SIDT1: variants seen among roughly 807,000 people sequenced by gnomAD.
The protein encoded by SIDT1 is SID1 transmembrane family, member 1.
In SIDT1, 101 loss-of-function variants were observed where a neutral mutation model predicts 107.5. The ratio of observed to expected loss-of-function variants is 0.94; its 90% confidence interval spans 0.80 to 1.11. The LOEUF (loss-of-function observed/expected upper bound fraction) is 1.11, where lower values mean the gene tolerates loss of function less well. SIDT1 is among the 50% of genes least tolerant of loss of function. The probability of loss-of-function intolerance (pLI) is 0.00; values close to 1 mark genes in which losing one functional copy is unlikely to be tolerated. For synonymous variants in SIDT1, 395 were observed against 398.2 expected, an observed-to-expected ratio of 0.99 and a Z score of 0.10; for missense variants, 1,076 against 1,058.2, an observed-to-expected ratio of 1.02 and a Z score of -0.23.
intron 20 of SIDT1, among the ~76,000 whole-genome samples, chr3:113,618,635 T>C (rs1016212155): frequency 1.3e-5 from 2 of 152,234 alleles, no homozygotes; most frequent in East Asian, 3.8e-4. Context: ...ATTAATTTTT[T>C]TAATGAAGTT....
At chr3:113,599,388 G>A (rs1944797611) in intron 10 of SIDT1, among the ~76,000 whole-genome samples, 1 of 152,216 alleles carries the variant, frequency 6.6e-6, no homozygotes, top group Non-Finnish European at 1.5e-5. Flanking sequence ...CAGTGGAGAT[G>A]CAAATGAGCC....
rs963934762 is a variant in SIDT1 at position 113,611,127 on chromosome 3, G to T, written c.1840G>T (p.Val614Phe). 2 of 1,613,724 alleles carry T rather than the reference G, an allele frequency of 1.2e-6. No individual in the cohort carries two copies. Among genetic ancestry groups the T allele is most frequent in the African/African-American group, 2.7e-5 (2 of 74,828 alleles). ...AYASFAVVIMVTVLGVVFGKN... is the reference protein window; with the variant it reads ...AYASFAVVIMFTVLGVVFGKN... ...TGCCTCCTTTGCTGTGGTCATCATGGTCACCGTCCTTGGAGTGGTGCGTCC... is the reference window on the plus strand; with the variant it reads ...TGCCTCCTTTGCTGTGGTCATCATGTTCACCGTCCTTGGAGTGGTGCGTCC... Residue 614 changes from valine to phenylalanine, a missense_variant, in exon 18 of 25, where the codon GTC (valine) becomes TTC (phenylalanine). By Grantham distance (50) the Val-to-Phe change is conservative. Coordinates refer to ENST00000264852, the MANE Select transcript of SIDT1 (RefSeq NM_017699.3).
At position 113,551,613 on chromosome 3, in the gene SIDT1, A is replaced by G. The variant is rs1362375326; in HGVS notation, c.223-14807A>G. Among the ~76,000 whole-genome samples, 4 of 152,206 alleles carry G rather than the reference A, an allele frequency of 2.6e-5. No homozygotes were observed. The East Asian group carries it at 5.8e-4, about 22-fold the overall frequency. On this transcript the variant is annotated intron_variant, in intron 1 of 24. Coordinates refer to ENST00000264852, the MANE Select transcript of SIDT1 (RefSeq NM_017699.3). Reference sequence around the variant, plus strand: ...TAAGACTATGTCTGACTCCCTTACAATTACTGAAAACTGAAACAAGATTTT... The same window carrying G: ...TAAGACTATGTCTGACTCCCTTACAGTTACTGAAAACTGAAACAAGATTTT...
At chr3:113,550,814 T>C (rs530170694) in intron 1 of SIDT1, among the ~76,000 whole-genome samples, 1 of 152,328 alleles carries the variant, frequency 6.6e-6, no homozygotes, top group Admixed American at 6.5e-5. Flanking sequence ...ATAGGTGTCA[T>C]GGGGCTTTGT....
At position 113,604,009 on chromosome 3, in the gene SIDT1, G is replaced by C. The variant is rs1253058056; in HGVS notation, c.1313G>C (p.Ser438Thr). The C allele has an allele frequency of 6.2e-7, 1 of 1,605,252 alleles. No individual in the cohort carries two copies. Among genetic ancestry groups the C allele is most frequent in the Admixed American group, 1.7e-5 (1 of 59,420 alleles). Reference sequence around the variant, plus strand: ...TCCAGGAAGGACCGGAGAATTGTCAGCAAAAAATATAAAATTTATTTTTGG... The same window carrying C: ...TCCAGGAAGGACCGGAGAATTGTCACCAAAAAATATAAAATTTATTTTTGG... ...DLSRKDRRIV[S>T]KKYKIYFWNI... The change falls in exon 13 of 25, where the codon AGC (serine) becomes ACC (threonine). Residue 438 changes from serine to threonine, a missense_variant. By Grantham distance (58) the Ser-to-Thr change is moderately conservative. Coordinates refer to ENST00000264852, the MANE Select transcript of SIDT1 (RefSeq NM_017699.3).
rs542441236 is a variant in SIDT1, at chr3:113,564,052, G to A, written c.223-2368G>A. On this transcript the variant is annotated intron_variant, in intron 1 of 24. Coordinates refer to ENST00000264852, the MANE Select transcript of SIDT1 (RefSeq NM_017699.3). Reference sequence around the variant, plus strand: ...CAACCTCTGCCTCCTGGGTTCAAGCGATTCTCCTGCCTCAGCCTCCCGAGT... The same window carrying A: ...CAACCTCTGCCTCCTGGGTTCAAGCAATTCTCCTGCCTCAGCCTCCCGAGT... Among the ~76,000 whole-genome samples, 7 of 152,166 alleles carry A rather than the reference G, an allele frequency of 4.6e-5. No individual in the cohort carries two copies. The South Asian group carries it at 1.5e-3, about 32-fold the overall frequency.
At chr3:113,555,708 C>A (rs905835631) in intron 1 of SIDT1, among the ~76,000 whole-genome samples, 3 of 151,972 alleles carry the variant, frequency 2.0e-5, no homozygotes, top group Non-Finnish European at 4.4e-5. Context: ...TACAAAATGC[C>A]GAGAATTTAA....
chr3:113,549,402 A>G (rs1386932641), intron 1 of SIDT1, among the ~76,000 whole-genome samples: 2 of 152,192 alleles, frequency 1.3e-5, no homozygotes, highest in Non-Finnish European at 1.5e-5. Flanking sequence ...CTGTTGTTCC[A>G]CAACCTCATC....
chr3:113,632,763 T>C (rs1947102318), downstream of SIDT1: 1 of 152,226 alleles, frequency 6.6e-6, no homozygotes, highest in African/African-American at 2.4e-5. Context: ...GGCTGGAGGA[T>C]CGCTGGAGTC....
At chr3:113,609,058 C>CTTTTTT (rs11453487) in intron 17 of SIDT1, among the ~76,000 whole-genome samples, 68 of 86,678 alleles carry the variant, frequency 7.8e-4, no homozygotes, top group East Asian at 1.5e-3. Context: ...TGAGCCCATT[C>CTTTTTT]TTTTTTTTTT....
At chr3:113,627,141 C>T (rs1946914007) in intron 24 of SIDT1, among the ~76,000 whole-genome samples, 1 of 152,136 alleles carries the variant, frequency 6.6e-6, no homozygotes, top group Non-Finnish European at 1.5e-5. Context: ...TCTTATATAG[C>T]AATACTCTAT....
intron 17 of SIDT1, among the ~76,000 whole-genome samples, chr3:113,609,609 G>A (rs901634043): frequency 6.6e-6 from 1 of 152,212 alleles, no homozygotes; most frequent in Non-Finnish European, 1.5e-5. Flanking sequence ...AGCTGATGCT[G>A]TCTAGCAAGT....
chr3:113,553,608 A>G (rs1940514226), intron 1 of SIDT1, among the ~76,000 whole-genome samples: 1 of 152,104 alleles, frequency 6.6e-6, no homozygotes, highest in South Asian at 2.1e-4. Context: ...GAGACAGGAA[A>G]GATAAAGAGG....
intron 23 of SIDT1, among the ~76,000 whole-genome samples, chr3:113,624,670 G>GT (rs1946720578): frequency 6.6e-6 from 1 of 151,920 alleles, no homozygotes; most frequent in Non-Finnish European, 1.5e-5. Context: ...ATATTCTTTG[G>GT]TTTTTCCCCT....
chr3:113,611,321 C>T (rs1267834871), intron 18 of SIDT1, among the ~76,000 whole-genome samples, 177 bp downstream of exon 18: 2 of 152,168 alleles, frequency 1.3e-5, no homozygotes, highest in African/African-American at 2.4e-5. Context: ...CCACTCATGG[C>T]ACACTTTTAC....
At chr3:113,589,486 T>C (rs1310579359) in intron 9 of SIDT1, among the ~76,000 whole-genome samples, 1 of 152,034 alleles carries the variant, frequency 6.6e-6, no homozygotes, top group Non-Finnish European at 1.5e-5. Flanking sequence ...CCACAGCCTC[T>C]TTTGCCAGCT....
At chr3:113,604,066 T>G in intron 13 of SIDT1, 33 bp downstream of exon 13, 1 of 1,439,364 alleles carries the variant, frequency 6.9e-7, no homozygotes, top group South Asian at 1.2e-5. Flanking sequence ...CATGGTTCCC[T>G]TAAATAAACA....
In SIDT1 at chr3:113,608,199, C is replaced by G. The variant is rs1576942023; in HGVS notation, c.1584C>G (p.Ala528=). Residue 528 remains alanine (A), a synonymous_variant, in exon 16 of 25, where the codon GCC becomes GCG. Coordinates refer to ENST00000264852, the MANE Select transcript of SIDT1 (RefSeq NM_017699.3). The part of the protein sequence containing the change: ...RDILHRRALE[A]KDIFAVEYGI... Reference sequence around the variant, plus strand: ...TCCTCCATCGGAGAGCCCTGGAAGCCAAGGACATCTTTGCTGTGGTGAGGA... The same window carrying G: ...TCCTCCATCGGAGAGCCCTGGAAGCGAAGGACATCTTTGCTGTGGTGAGGA... 1 of 1,600,192 alleles carries G rather than the reference C, an allele frequency of 6.2e-7. No individual in the cohort carries two copies. Among genetic ancestry groups the G allele is most frequent in the East Asian group, 2.2e-5 (1 of 44,718 alleles).
intron 10 of SIDT1, chr3:113,594,749 C>T (rs1560092992): frequency 6.6e-6 from 1 of 152,420 alleles, no homozygotes; most frequent in Non-Finnish European, 1.5e-5. Context: ...CATTGAGATT[C>T]ATGTGGCTGT....
Sources: allele counts gnomAD v4.1 joint callset (sites outside exome capture counted in the v4.1 genomes callset), GRCh38; gene constraint gnomAD v4.1.1; transcripts MANE v1.5; gene names NCBI Gene and HGNC (gene_info 2026-07-23, HGNC 2026-07-21).